The following JAK3 variants were observed in gnomAD, a reference collection of about 807,000 sequenced individuals.
JAK3 encodes the protein Janus kinase 3.
JAK3 carries 88 observed loss-of-function variants against 120.8 expected under a neutral mutation model. The observed-to-expected ratio is 0.73, with a 90% CI of 0.61 to 0.87. JAK3 has a LOEUF of 0.87. Among genes scored for constraint, JAK3 ranks in the 40% least tolerant of loss-of-function variants. The pLI is 0.00. For synonymous variants in JAK3, 592 were observed against 628.6 expected, an observed-to-expected ratio of 0.94 and a Z score of 0.87; for missense variants, 1,254 against 1,501.4, an observed-to-expected ratio of 0.84 and a Z score of 2.72.
Position 17,841,833 on chromosome 19 carries a change from C to A in JAK3, c.862-71G>T. On this transcript the variant is annotated intron_variant, in intron 6 of 23. Coordinates refer to ENST00000458235, the MANE Select transcript of JAK3 (RefSeq NM_000215.4). This position sits in a 1 kb window ranked among gnomAD's most constrained non-coding sequence, Gnocchi z 4.1. ...GCCAAACCACGCCCATGAACCCACCCCCAAGCCACACCATCCACTCCCTAT... is the reference window on the plus strand; with the variant it reads ...GCCAAACCACGCCCATGAACCCACCACCAAGCCACACCATCCACTCCCTAT... 1.3e-6 allele frequency: 2 copies of A among 1,589,800 alleles called. No homozygotes were observed. Among genetic ancestry groups the A allele is most frequent in the Non-Finnish European group, 1.7e-6 (2 of 1,174,838 alleles).
chr19:17,836,099 G>A lies in JAK3; in HGVS notation c.1787-48C>T, dbSNP rs200733591. 5.6e-6 allele frequency: 9 copies of A among 1,609,220 alleles called. No individual in the cohort carries two copies. In the South Asian group the frequency reaches 8.8e-5, roughly 16 times the overall value. On this transcript the variant is annotated intron_variant, in intron 13 of 23. Transcript: ENST00000458235. ...GGGGTTGGGAGACTGAACTGCACTT[G>A]TGTTGAGGAGGTTCTGCCAACACCC... is the stretch of plus-strand genomic sequence containing the variant.
chr19:17,834,604 C>T lies in JAK3; in HGVS notation c.2317G>A (p.Val773Ile), dbSNP rs201531563. ...ATGAGGCTATTGAGGTCACGAATGA[C>T]GGCTCGGAAGGAGGGCCTCTGGACC... is the stretch of plus-strand genomic sequence containing the variant. ...EPVQRPSFRAVIRDLNSLISS... is the reference protein window; with the variant it reads ...EPVQRPSFRAIIRDLNSLISS... The change falls in exon 17 of 24, where the codon GTC (valine) becomes ATC (isoleucine). Residue 773 changes from valine (V) to isoleucine (I), a missense_variant. By Grantham distance (29) the Val-to-Ile change is conservative. Transcript: ENST00000458235. The T allele has an allele frequency of 1.1e-5, 17 of 1,599,580 alleles. No homozygotes were observed. Among genetic ancestry groups the T allele is most frequent in the Middle Eastern group, 1.7e-4 (1 of 6,014 alleles).
In JAK3 at chr19:17,843,349, C is replaced by A. The variant is rs3212724; in HGVS notation, c.420+31G>T. 4,686 of 1,540,076 alleles carry A rather than the reference C, an allele frequency of 3.0e-3. 122 individuals carry two copies. The African/African-American group carries it at 0.055, about 18-fold the overall frequency. On this transcript the variant is annotated intron_variant, in intron 4 of 23. Coordinates refer to ENST00000458235, the MANE Select transcript of JAK3 (RefSeq NM_000215.4). The surrounding 1 kb of genome is among the most constrained non-coding windows in gnomAD (Gnocchi z 5.4). Reference sequence around the variant, plus strand: ...TCATGTTGCCCCTTGGACCCCCAACCCCCTGGGTCAAACCCCAGGCAGAAC... The same window carrying A: ...TCATGTTGCCCCTTGGACCCCCAACACCCTGGGTCAAACCCCAGGCAGAAC...
chr19:17,827,902 C>CA (rs113769893), intron 23 of JAK3, among the ~76,000 whole-genome samples: 94 of 139,458 alleles, frequency 6.7e-4, no homozygotes, highest in Admixed American at 1.7e-3. Flanking sequence ...AACCACGTCT[C>CA]AAAAAAAAAA....
At chr19:17,844,978 G>T (rs1321926464) in intron 1 of JAK3, among the ~76,000 whole-genome samples, 7 of 151,914 alleles carry the variant, frequency 4.6e-5, no homozygotes, top group Non-Finnish European at 8.8e-5. Context: ...GTGGGGCTTC[G>T]AGTCCCCTGA....
At chr19:17,830,705 G>A (rs1371579027) in intron 21 of JAK3, 85 bp from the exon 22 acceptor site, 3 of 1,065,846 alleles carry the variant, frequency 2.8e-6, no homozygotes, top group Non-Finnish European at 4.4e-6. Flanking sequence ...AACTGGTCAG[G>A]GTAGGTGGGG....
chr19:17,842,497 CAG>C lies in JAK3; in HGVS notation c.678_679del (p.Cys227ProfsTer49), dbSNP rs193922364. 2.5e-6 allele frequency: 4 copies of C among 1,598,348 alleles called. No homozygotes were observed. The South Asian group carries it at 4.5e-5, about 18-fold the overall frequency. On this transcript the variant is annotated frameshift_variant, in exon 6 of 24. Transcript: ENST00000458235. LOFTEE classifies it high-confidence loss of function. The surrounding 1 kb of genome is among the most constrained non-coding windows in gnomAD (Gnocchi z 6.4). ...CATGAGCGAGTGCCGGTCTGCCTGG[CAG>C]GCGGCCACGCGGCGCAGGGCTCTGC...
At position 17,842,935 on chromosome 19, in the gene JAK3, G is replaced by A. The variant is rs922465856; in HGVS notation, c.566+92C>T. The A allele has an allele frequency of 6.5e-7, 1 of 1,545,596 alleles. No individual in the cohort carries two copies. The highest frequency in any genetic ancestry group is 8.8e-7 in the Non-Finnish European group (1 of 1,132,434). On this transcript the variant is annotated intron_variant, in intron 5 of 23. Transcript: ENST00000458235. This position sits in a 1 kb window ranked among gnomAD's most constrained non-coding sequence, Gnocchi z 6.4. ...AGGAACACCCTGAAAGCTTGCAGGA[G>A]AACTCCATGGTGGGAGCCCGGCAAA... is the stretch of plus-strand genomic sequence containing the variant.
chr19:17,844,287 G>A lies in JAK3; in HGVS notation c.131C>T (p.Ser44Phe), dbSNP rs201650430. The A allele has an allele frequency of 3.7e-6, 6 of 1,606,688 alleles. No individual in the cohort carries two copies. The highest frequency in any genetic ancestry group is 1.1e-5 in the South Asian group (1 of 89,992). Residue 44 changes from serine (S) to phenylalanine (F), a missense_variant, in exon 2 of 24, where the codon TCC becomes TTC. By Grantham distance (155) the Ser-to-Phe change is radical (BLOSUM62 -2). Transcript: ENST00000458235. ...GPGPPQRLSF[S>F]FGDHLAEDLC... ...GTCCTCAGCCAAGTGGTCCCCAAAG[G>A]AGAAAGATAGGCGCTGGGGGGGCCC... is the stretch of plus-strand genomic sequence containing the variant.
At chr19:17,839,439 C>T (rs762647351) in intron 10 of JAK3, 38 bp downstream of exon 10, 27 of 1,541,598 alleles carry the variant, frequency 1.8e-5, no homozygotes, top group Non-Finnish European at 2.0e-5. Context: ...GCCAGGGTCC[C>T]AGATCAGCCA....
Position 17,841,351 on chromosome 19 carries a change from G to A in JAK3, c.1142+38C>T, listed in dbSNP as rs2094238093. ...GCATAGAGAAGGGGAGGGGCCCTGA[G>A]TGGCCACAGAGGCCGGGAATGGGGG... is the stretch of plus-strand genomic sequence containing the variant. On this transcript the variant is annotated intron_variant, in intron 8 of 23. Coordinates refer to ENST00000458235, the MANE Select transcript of JAK3 (RefSeq NM_000215.4). This position sits in a 1 kb window ranked among gnomAD's most constrained non-coding sequence, Gnocchi z 4.1. 1 of 1,534,524 alleles carries A rather than the reference G, an allele frequency of 6.5e-7. No individual in the cohort carries two copies. The highest frequency in any genetic ancestry group is 8.7e-7 in the Non-Finnish European group (1 of 1,142,926).
Position 17,841,323 on chromosome 19 carries a change from G to C in JAK3, c.1142+66C>G. 6.7e-7 allele frequency: 1 copy of C among 1,491,946 alleles called. No individual in the cohort carries two copies. Among genetic ancestry groups the C allele is most frequent in the Non-Finnish European group, 9.0e-7 (1 of 1,108,990 alleles). 92.4% of individuals were successfully genotyped at this position (1,491,946 alleles called of 1,614,324 possible). A position where few individuals can be genotyped will look rare whatever the true frequency, so the allele number is the denominator to read the frequency against. ...AGGGCTCCTGGAAGGTGAGGACACT[G>C]AGGCATAGAGAAGGGGAGGGGCCCT... On this transcript the variant is annotated intron_variant, in intron 8 of 23. Coordinates refer to ENST00000458235, the MANE Select transcript of JAK3 (RefSeq NM_000215.4). This position sits in a 1 kb window ranked among gnomAD's most constrained non-coding sequence, Gnocchi z 4.1.
intron 1 of JAK3, among the ~76,000 whole-genome samples, 151 bp downstream of exon 1, chr19:17,847,795 C>T (rs1053699734): frequency 9.9e-5 from 15 of 152,232 alleles, no homozygotes; most frequent in Non-Finnish European, 1.5e-5. Flanking sequence ...ATGCGAGTCT[C>T]GGCTCACGTC....
In JAK3 at chr19:17,842,284, T is replaced by C. The variant is rs1301652750; in HGVS notation, c.861+32A>G. 3 of 1,505,680 alleles carry C rather than the reference T, an allele frequency of 2.0e-6. No individual in the cohort carries two copies. The highest frequency in any genetic ancestry group is 1.8e-6 in the Non-Finnish European group (2 of 1,131,018). The allele number at this position is 1,505,680 out of a possible 1,614,324, so 93.3% of individuals were successfully genotyped here. The stretch of plus-strand genomic sequence containing the variant: ...CCCTCCCCGAGCCCCGCCCCCACGT[T>C]GGCCCCGCCCAGCGGGGGAGTCCGC... On this transcript the variant is annotated intron_variant, in intron 6 of 23. Coordinates refer to ENST00000458235, the MANE Select transcript of JAK3 (RefSeq NM_000215.4). This position sits in a 1 kb window ranked among gnomAD's most constrained non-coding sequence, Gnocchi z 6.4.
Position 17,831,522 on chromosome 19 carries a change from C to T in JAK3, c.2806-122G>A, listed in dbSNP as rs1057317751. The T allele has an allele frequency of 2.2e-5, 33 of 1,510,728 alleles. No homozygotes were observed. Among genetic ancestry groups the T allele is most frequent in the Non-Finnish European group, 3.0e-5 (33 of 1,117,416 alleles). 93.6% of individuals were successfully genotyped at this position (1,510,728 alleles called of 1,614,324 possible). On this transcript the variant is annotated intron_variant, in intron 20 of 23. Transcript: ENST00000458235. This position sits in a 1 kb window ranked among gnomAD's most constrained non-coding sequence, Gnocchi z 5.1. ...AACCCTACCCCCGAGCCATCCTCCA[C>T]TGAAGTTCTGATCCTGAGCCCTAAG...
At position 17,843,185 on chromosome 19, in the gene JAK3, C is replaced by T. The variant is rs758196633; in HGVS notation, c.421-13G>A. On this transcript the variant is annotated splice_polypyrimidine_tract_variant and intron_variant, in intron 4 of 23. Coordinates refer to ENST00000458235, the MANE Select transcript of JAK3 (RefSeq NM_000215.4). This position sits in a 1 kb window ranked among gnomAD's most constrained non-coding sequence, Gnocchi z 5.4. ...GGTCACTGCGGTGCTGGGGGGCCGCCACAGGGAGCATCAGCTGAGGCCACC... is the reference window on the plus strand; with the variant it reads ...GGTCACTGCGGTGCTGGGGGGCCGCTACAGGGAGCATCAGCTGAGGCCACC... 1.2e-6 allele frequency: 2 copies of T among 1,600,294 alleles called. No homozygotes were observed. Among genetic ancestry groups the T allele is most frequent in the Non-Finnish European group, 8.5e-7 (1 of 1,176,342 alleles).
chr19:17,827,599 G>A (rs1280977366), intron 23 of JAK3, among the ~76,000 whole-genome samples: 1 of 151,076 alleles, frequency 6.6e-6, no homozygotes, highest in Non-Finnish European at 1.5e-5. Flanking sequence ...CACCCACCTC[G>A]GCCTCCTAAA....
In JAK3 at chr19:17,830,181, G is replaced by C; in HGVS notation, c.3134C>G (p.Pro1045Arg). The change falls in exon 23 of 24, where the codon CCC becomes CGC. Residue 1045 changes from proline to arginine, a missense_variant. Physicochemically the swap from Pro to Arg is moderately radical, Grantham distance 103 (BLOSUM62 -2). This residue lies in a region of JAK3 where 630 missense variants were observed against 819.8 expected (regional missense o/e 0.77). Transcript: ENST00000458235. The part of the protein sequence containing the change: ...LRMMGCERDV[P>R]ALCRLLELLE... Reference sequence around the variant, plus strand: ...CAGTTCCAAGAGGCGGCAGAGGGCGGGGACATCCCGCTCACATCCCATCAT... The same window carrying C: ...CAGTTCCAAGAGGCGGCAGAGGGCGCGGACATCCCGCTCACATCCCATCAT... 1 of 1,592,522 alleles carries C rather than the reference G, an allele frequency of 6.3e-7. No individual in the cohort carries two copies. Among genetic ancestry groups the C allele is most frequent in the Non-Finnish European group, 8.5e-7 (1 of 1,170,858 alleles).
rs1483874962 is a variant in JAK3, at chr19:17,842,515, A to C, written c.662T>G (p.Leu221Arg). 6.3e-7 allele frequency: 1 copy of C among 1,594,078 alleles called. No homozygotes were observed. Among genetic ancestry groups the C allele is most frequent in the Non-Finnish European group, 8.5e-7 (1 of 1,171,142 alleles). The change falls in exon 6 of 24, where the codon CTG becomes CGG. Residue 221 changes from leucine (L) to arginine (R), a missense_variant. This residue lies in a region of JAK3 where 486 missense variants were observed against 503.0 expected (regional missense o/e 0.97). Coordinates refer to ENST00000458235, the MANE Select transcript of JAK3 (RefSeq NM_000215.4). This position sits in a 1 kb window ranked among gnomAD's most constrained non-coding sequence, Gnocchi z 6.4. ...TGCCTGGCAGGCGGCCACGCGGCGC[A>C]GGGCTCTGCGCACCGTCCTCCGAAT... is the stretch of plus-strand genomic sequence containing the variant. ...RRIRRTVRRA[L>R]RRVAACQADR...
Sources: allele counts gnomAD v4.1 joint callset (sites outside exome capture counted in the v4.1 genomes callset), GRCh38; gene constraint gnomAD v4.1.1; regional missense constraint gnomAD v4.1.1; non-coding constraint Gnocchi (gnomAD v3.1); transcripts MANE v1.5; gene names NCBI Gene and HGNC (gene_info 2026-07-23, HGNC 2026-07-21).